The following UNC5C variants were observed in gnomAD, a reference collection of about 807,000 sequenced individuals.
The protein encoded by UNC5C is netrin receptor UNC5C.
In UNC5C, 47 loss-of-function variants were observed where a neutral mutation model predicts 99.8. The ratio of observed to expected loss-of-function variants is 0.47; its 90% confidence interval spans 0.37 to 0.60. The LOEUF (loss-of-function observed/expected upper bound fraction) is 0.60, where lower values mean the gene tolerates loss of function less well. Among genes scored for constraint, UNC5C ranks in the 20% least tolerant of loss-of-function variants. UNC5C has a pLI of 0.00. For synonymous variants in UNC5C, 487 were observed against 452.2 expected (o/e 1.08, Z -0.98); for missense variants, 1,062 against 1,165.9 (o/e 0.91, Z 1.30).
At chr4:95,310,170 A>C (rs1742225645) in intron 2 of UNC5C, among the ~76,000 whole-genome samples, 1 of 152,132 alleles carries the variant, frequency 6.6e-6, no homozygotes, top group African/African-American at 2.4e-5. Context: ...ATTATGTTAA[A>C]TGAAATGAGC....
intron 1 of UNC5C, among the ~76,000 whole-genome samples, chr4:95,531,891 A>C (rs116390820): frequency 2.2e-4 from 34 of 152,330 alleles, no homozygotes; most frequent in African/African-American, 8.2e-4. Context: ...ATATAGAACA[A>C]AATTTCATCA....
intron 1 of UNC5C, among the ~76,000 whole-genome samples, chr4:95,392,514 C>T (rs1192706336): frequency 2.6e-5 from 4 of 151,798 alleles, no homozygotes; most frequent in Non-Finnish European, 5.9e-5. Flanking sequence ...CTCACTGCAG[C>T]CTTGAACTTC....
At position 95,216,198 on chromosome 4, in the gene UNC5C, C is replaced by A. The variant is rs750429084; in HGVS notation, c.1659G>T (p.Leu553=). The A allele has an allele frequency of 1.2e-6, 2 of 1,613,220 alleles. No individual in the cohort carries two copies. The highest frequency in any genetic ancestry group is 2.2e-5 in the East Asian group (1 of 44,866). The change falls in exon 10 of 16, where the codon CTG becomes CTT. Residue 553 remains leucine, a synonymous_variant. Coordinates refer to ENST00000453304, the MANE Select transcript of UNC5C (RefSeq NM_003728.4). ...LIVPNSGVSL[L]IPAGAIPQGR... ...CTTGGGGAATGGCCCCAGCGGGAATCAGCAAGCTGACTCCTGAATAGCAAA... is the reference window on the plus strand; with the variant it reads ...CTTGGGGAATGGCCCCAGCGGGAATAAGCAAGCTGACTCCTGAATAGCAAA...
In UNC5C at chr4:95,401,367, T is replaced by G. The variant is rs138491100; in HGVS notation, c.125-65736A>C. Among the ~76,000 whole-genome samples, 851 of 152,224 alleles carry G rather than the reference T, an allele frequency of 5.6e-3. 11 individuals carry two copies. The highest frequency in any genetic ancestry group is 0.019 in the African/African-American group (785 of 41,538). The stretch of plus-strand genomic sequence containing the variant: ...AGGCTGTAGTGCAGTGCTGTGATGA[T>G]GGCTCACTGCAGCAGCCTTGAACTC... On this transcript the variant is annotated intron_variant, in intron 1 of 15. Transcript: ENST00000453304.
At chr4:95,471,350 C>G (rs574471819) in intron 1 of UNC5C, among the ~76,000 whole-genome samples, 53 of 152,060 alleles carry the variant, frequency 3.5e-4, no homozygotes, top group African/African-American at 1.1e-3. Flanking sequence ...TTTGAATGTA[C>G]TAGGAATAGA....
chr4:95,225,243 C>T (rs975334989), intron 7 of UNC5C, among the ~76,000 whole-genome samples: 4 of 152,026 alleles, frequency 2.6e-5, no homozygotes, highest in Non-Finnish European at 4.4e-5. Context: ...TTTTACTAGA[C>T]GCGGGGTTTC....
At chr4:95,411,678 T>C (rs1745998181) in intron 1 of UNC5C, among the ~76,000 whole-genome samples, 1 of 152,346 alleles carries the variant, frequency 6.6e-6, no homozygotes, top group African/African-American at 2.4e-5. Context: ...TAGAAATTCA[T>C]AAATTGGATC....
chr4:95,482,349 T>A (rs988018152), intron 1 of UNC5C, among the ~76,000 whole-genome samples: 23 of 152,100 alleles, frequency 1.5e-4, no homozygotes, highest in Admixed American at 1.0e-3. Context: ...CATTAAAAAG[T>A]CAGGAAACAA....
At chr4:95,241,710 T>C (rs1739335282) in intron 7 of UNC5C, among the ~76,000 whole-genome samples, 1 of 152,214 alleles carries the variant, frequency 6.6e-6, no homozygotes, top group Admixed American at 6.5e-5. Flanking sequence ...ATCTGAGGGC[T>C]CCTCAATAAA....
At chr4:95,363,287 G>A (rs1560805002) in intron 1 of UNC5C, among the ~76,000 whole-genome samples, 2 of 152,118 alleles carry the variant, frequency 1.3e-5, no homozygotes, top group Admixed American at 1.3e-4. Context: ...ATTTGTTAGT[G>A]ATCATTTGGC....
At chr4:95,178,943 A>T (rs1736483794) in intron 14 of UNC5C, among the ~76,000 whole-genome samples, 1 of 152,174 alleles carries the variant, frequency 6.6e-6, no homozygotes, top group East Asian at 1.9e-4. Context: ...GTTAAAGTAA[A>T]ATACGTTTAT....
chr4:95,401,776 G>A (rs1745707305), intron 1 of UNC5C, among the ~76,000 whole-genome samples: 1 of 152,204 alleles, frequency 6.6e-6, no homozygotes, highest in Non-Finnish European at 1.5e-5. Context: ...TCCGAGCAGA[G>A]TTGTGTGATA....
chr4:95,311,868 A>AC (rs1444449189), intron 2 of UNC5C, among the ~76,000 whole-genome samples: 1 of 152,082 alleles, frequency 6.6e-6, no homozygotes. Flanking sequence ...ACATAAAGAG[A>AC]CCCTGTCTCT....
rs1302682179 is a variant in UNC5C at position 95,185,119 on chromosome 4, G to C, written c.2214C>G (p.Thr738=). ...EPKALHFKGS[T]HNLRLSIHDI... ...CGTGAATTGACAGGCGCAGGTTGTG[G>C]GTGCTGCCTTTAAAATGAAGAGCCT... Residue 738 remains threonine (T), a synonymous_variant, in exon 13 of 16, where the codon ACC becomes ACG. Transcript: ENST00000453304. 1.2e-6 allele frequency: 2 copies of C among 1,614,032 alleles called. No homozygotes were observed. The highest frequency in any genetic ancestry group is 1.7e-6 in the Non-Finnish European group (2 of 1,180,004).
At chr4:95,537,420 G>T (rs989825875) in intron 1 of UNC5C, among the ~76,000 whole-genome samples, 2 of 152,102 alleles carry the variant, frequency 1.3e-5, no homozygotes, top group African/African-American at 4.8e-5. Flanking sequence ...GTGTAAGCAC[G>T]ACAGCCACTG....
chr4:95,224,531 A>G (rs991865257), intron 7 of UNC5C, among the ~76,000 whole-genome samples: 8 of 152,216 alleles, frequency 5.3e-5, no homozygotes, highest in Non-Finnish European at 8.8e-5. Flanking sequence ...GTAGATTTAA[A>G]CTACTCAATA....
intron 11 of UNC5C, among the ~76,000 whole-genome samples, chr4:95,205,298 G>A (rs940123219): frequency 3.9e-5 from 6 of 152,340 alleles, no homozygotes; most frequent in African/African-American, 1.2e-4. Flanking sequence ...TTCGGATTAA[G>A]ACGGGATGTT....
rs369734886 is a variant in UNC5C at position 95,360,076 on chromosome 4, A to C, written c.125-24445T>G. Among the ~76,000 whole-genome samples the C allele has an allele frequency of 5.9e-5, 9 of 152,246 alleles. No individual in the cohort carries two copies. In the East Asian group the frequency reaches 1.7e-3, roughly 29 times the overall value. On this transcript the variant is annotated intron_variant, in intron 1 of 15. Transcript: ENST00000453304. ...CTTAGAGAACCATCTGATGAATAATAAACTCTGTGGAGTTTCCCAAGGAGA... is the reference window on the plus strand; with the variant it reads ...CTTAGAGAACCATCTGATGAATAATCAACTCTGTGGAGTTTCCCAAGGAGA...
intron 3 of UNC5C, 27 bp downstream of exon 3, chr4:95,301,579 C>T (rs779667676): frequency 6.2e-7 from 1 of 1,613,402 alleles, no homozygotes; most frequent in South Asian, 1.1e-5. Flanking sequence ...TTCTGAGACC[C>T]AAGGTGCTTA....
Sources: gnomAD v4.1 joint callset for allele counts (sites outside exome capture counted in the v4.1 genomes callset) on GRCh38, gnomAD v4.1.1 for gene constraint, MANE v1.5 for transcripts, NCBI Gene and HGNC (gene_info 2026-07-23, HGNC 2026-07-21) for gene names.